Variants in ROBO2 observed in about 807,000 individuals in gnomAD.
ROBO2 encodes the protein roundabout homolog 2.
In ROBO2, 53 loss-of-function variants were observed where a neutral mutation model predicts 160.8. The ratio of observed to expected loss-of-function variants is 0.33; its 90% CI spans 0.26 to 0.41. The LOEUF (loss-of-function observed/expected upper bound fraction) is 0.41. ROBO2 is among the 10% of genes least tolerant of loss of function. The pLI is 1.00. For missense variants in ROBO2, 1,577 were observed against 1,722.4 expected (o/e 0.92, Z 1.49); for synonymous variants, 664 against 611.7 (o/e 1.09, Z -1.26).
intron 2 of ROBO2, among the ~76,000 whole-genome samples, chr3:76,579,539 A>G (rs899909345): frequency 3.3e-5 from 5 of 152,162 alleles, no homozygotes; most frequent in Admixed American, 3.3e-4. Flanking sequence ...AGAAAAAAAC[A>G]CATATCAAGT....
At chr3:76,475,500 T>C (rs2078887219) in intron 2 of ROBO2, among the ~76,000 whole-genome samples, 1 of 151,168 alleles carries the variant, frequency 6.6e-6, no homozygotes, top group African/African-American at 2.4e-5. Flanking sequence ...TTTAAAAGGA[T>C]CACTCTGCCA....
At chr3:75,961,356 T>C (rs1576307722) in intron 2 of ROBO2, among the ~76,000 whole-genome samples, 1 of 151,718 alleles carries the variant, frequency 6.6e-6, no homozygotes, top group Non-Finnish European at 1.5e-5. Flanking sequence ...TATTTATTTT[T>C]ACAGATTAAA....
At chr3:77,213,919 T>G (rs2151124369) in intron 2 of ROBO2, among the ~76,000 whole-genome samples, 1 of 152,312 alleles carries the variant, frequency 6.6e-6, no homozygotes, top group South Asian at 2.1e-4. Context: ...TGAGTTCTAG[T>G]TTGATTGCAC....
intron 2 of ROBO2, among the ~76,000 whole-genome samples, chr3:77,272,231 C>T (rs945529835): frequency 5.3e-5 from 8 of 152,178 alleles, no homozygotes; most frequent in African/African-American, 1.9e-4. Flanking sequence ...AGTCTGTTCT[C>T]ACACTGCTAT....
At chr3:77,625,714 T>C (rs1395220379) in intron 23 of ROBO2, among the ~76,000 whole-genome samples, 5 of 152,162 alleles carry the variant, frequency 3.3e-5, no homozygotes, top group Non-Finnish European at 7.3e-5. Flanking sequence ...CTGTATTTTG[T>C]GTGGTCTCAT....
At chr3:77,392,578 A>G (rs1327977224) in intron 2 of ROBO2, among the ~76,000 whole-genome samples, 3 of 152,180 alleles carry the variant, frequency 2.0e-5, no homozygotes, top group Non-Finnish European at 4.4e-5. Flanking sequence ...AATTGCAGTA[A>G]TAAATATGTG....
intron 2 of ROBO2, among the ~76,000 whole-genome samples, chr3:77,259,123 C>T (rs540181373): frequency 5.9e-5 from 9 of 152,290 alleles, no homozygotes; most frequent in South Asian, 2.1e-4. Flanking sequence ...TCCAATTTAA[C>T]GACTCTGCGC....
At chr3:77,534,581 G>C (rs980043643) in intron 6 of ROBO2, among the ~76,000 whole-genome samples, 1 of 152,090 alleles carries the variant, frequency 6.6e-6, no homozygotes, top group African/African-American at 2.4e-5. Flanking sequence ...ACCTACATAT[G>C]CATGATATTT....
intron 2 of ROBO2, among the ~76,000 whole-genome samples, chr3:76,716,029 A>T (rs940532885): frequency 1.3e-5 from 2 of 152,236 alleles, no homozygotes; most frequent in African/African-American, 4.8e-5. Flanking sequence ...TCAAAATGAT[A>T]TTCTTATAAA....
chr3:77,354,440 TC>T (rs1295368899), intron 2 of ROBO2, among the ~76,000 whole-genome samples: 5 of 9,410 alleles, frequency 5.3e-4, no homozygotes, highest in Non-Finnish European at 2.1e-3. Flanking sequence ...TGAATTTGCA[TC>T]ATGAATTTGC....
At chr3:77,134,383 A>C (rs1316190337) in intron 2 of ROBO2, among the ~76,000 whole-genome samples, 1 of 152,234 alleles carries the variant, frequency 6.6e-6, no homozygotes, top group Non-Finnish European at 1.5e-5. Flanking sequence ...AAAAATTTAA[A>C]AACACATTTG....
At chr3:76,370,671 A>G (rs2076057223) in intron 2 of ROBO2, among the ~76,000 whole-genome samples, 1 of 152,020 alleles carries the variant, frequency 6.6e-6, no homozygotes, top group East Asian at 1.9e-4. Context: ...CACAATTAAC[A>G]ATTAAAAATT....
chr3:76,901,748 C>A (rs1485070741), intron 2 of ROBO2, among the ~76,000 whole-genome samples: 1 of 151,938 alleles, frequency 6.6e-6, no homozygotes, highest in African/African-American at 2.4e-5. Flanking sequence ...TGTTAAAGCA[C>A]TTTTTGACCC....
At chr3:76,511,016 G>A (rs998681143) in intron 2 of ROBO2, among the ~76,000 whole-genome samples, 5 of 152,198 alleles carry the variant, frequency 3.3e-5, no homozygotes, top group Middle Eastern at 3.4e-3. Context: ...ATCATGAATC[G>A]GCAAAGTATT....
chr3:77,366,735 G>A (rs2070933565), intron 2 of ROBO2, among the ~76,000 whole-genome samples: 1 of 152,118 alleles, frequency 6.6e-6, no homozygotes, highest in South Asian at 2.1e-4. Flanking sequence ...GGGAACCAGT[G>A]TAGAGGTCAC....
intron 2 of ROBO2, among the ~76,000 whole-genome samples, chr3:77,425,356 T>C (rs930584208): frequency 6.6e-6 from 1 of 152,186 alleles, no homozygotes; most frequent in Non-Finnish European, 1.5e-5. Context: ...TTTGGTCTGT[T>C]AGAATTTGAG....
intron 2 of ROBO2, among the ~76,000 whole-genome samples, chr3:77,139,362 T>C (rs999546131): frequency 1.3e-5 from 2 of 152,242 alleles, no homozygotes. Context: ...ATACACTCCA[T>C]TCATATTTGA....
At chr3:76,472,090 T>C (rs1038816058) in intron 2 of ROBO2, among the ~76,000 whole-genome samples, 70 of 125,368 alleles carry the variant, frequency 5.6e-4, no homozygotes, top group African/African-American at 1.9e-3. Flanking sequence ...TGTGTGTGTG[T>C]GTGTGTGTGT....
intron 6 of ROBO2, among the ~76,000 whole-genome samples, chr3:77,536,810 A>G (rs1186465364): frequency 6.6e-6 from 1 of 152,228 alleles, no homozygotes; most frequent in Non-Finnish European, 1.5e-5. Flanking sequence ...TTTTGCCTTC[A>G]AAAACAAAAA....
Sources: allele counts gnomAD v4.1 joint callset (sites outside exome capture counted in the v4.1 genomes callset), GRCh38; gene constraint gnomAD v4.1.1; transcripts MANE v1.5; gene names NCBI Gene and HGNC (gene_info 2026-07-23, HGNC 2026-07-21).